Variants in SERPINI1 observed in about 807,000 individuals in gnomAD.
The protein encoded by SERPINI1 is neuroserpin.
SERPINI1 carries 19 observed loss-of-function variants against 41.1 expected under a neutral mutation model. The observed-to-expected ratio is 0.46, with a 90% CI of 0.32 to 0.68. SERPINI1 has a LOEUF of 0.68. Among genes scored for constraint, SERPINI1 ranks in the 30% least tolerant of loss-of-function variants. The pLI, the probability that SERPINI1 is intolerant of heterozygous loss-of-function variation, is 0.03. For missense variants in SERPINI1, 460 were observed against 479.2 expected, an observed-to-expected ratio of 0.96 and a Z score of 0.37; for synonymous variants, 138 against 156.6, an observed-to-expected ratio of 0.88 and a Z score of 0.89.
In SERPINI1 at chr3:167,771,769, G is replaced by A. The variant is rs558605051; in HGVS notation, c.-18-17342G>A. On this transcript the variant is annotated intron_variant, in intron 1 of 8. Coordinates refer to ENST00000446050, the MANE Select transcript of SERPINI1 (RefSeq NM_001122752.2). ...GTTAAATGTCATCCACACTTAAGGA[G>A]TACCTTGCCAGCAAGTAAGACAGTT... is the stretch of plus-strand genomic sequence containing the variant. Among the ~76,000 whole-genome samples, 3 of 152,352 alleles carry A rather than the reference G, an allele frequency of 2.0e-5. No individual in the cohort carries two copies. In the South Asian group the frequency reaches 6.2e-4, roughly 32 times the overall value.
intron 6 of SERPINI1, among the ~76,000 whole-genome samples, chr3:167,812,039 G>A (rs906815625): frequency 1.3e-5 from 2 of 152,072 alleles, no homozygotes; most frequent in Non-Finnish European, 2.9e-5. Context: ...CTAGAAAAAC[G>A]GAGTGACTTG....
In SERPINI1 at chr3:167,825,229, A is replaced by T. The variant is rs748793909; in HGVS notation, c.1157-18A>T. 1.1e-5 allele frequency: 17 copies of T among 1,559,192 alleles called. No individual in the cohort carries two copies. In the South Asian group the frequency reaches 1.7e-4, roughly 15 times the overall value. On this transcript the variant is annotated intron_variant, in intron 8 of 8. Transcript: ENST00000446050. Reference sequence around the variant, plus strand: ...ATTTTGTTCACCCCCTCTTTTGTTTACTTCTGAACCAATACAGGTACAATT... The same window carrying T: ...ATTTTGTTCACCCCCTCTTTTGTTTTCTTCTGAACCAATACAGGTACAATT...
At chr3:167,751,195 G>T (rs571005600) in intron 1 of SERPINI1, among the ~76,000 whole-genome samples, 24 of 152,160 alleles carry the variant, frequency 1.6e-4, no homozygotes, top group African/African-American at 5.8e-4. Flanking sequence ...TTTAGGTAAG[G>T]AATATCCTCT....
intron 1 of SERPINI1, among the ~76,000 whole-genome samples, chr3:167,739,344 A>G (rs1474285222): frequency 1.3e-5 from 2 of 152,194 alleles, no homozygotes; most frequent in African/African-American, 2.4e-5. Context: ...ACATTGAGAC[A>G]GTTTGCGCTT....
chr3:167,817,633 T>C (rs1712147568), intron 6 of SERPINI1, among the ~76,000 whole-genome samples: 1 of 152,240 alleles, frequency 6.6e-6, no homozygotes, highest in African/African-American at 2.4e-5. Flanking sequence ...AGTCATGCAC[T>C]GTCGCCCAGG....
chr3:167,772,864 C>CTCTCTATATATATATATATATA (rs1374013676), intron 1 of SERPINI1, among the ~76,000 whole-genome samples: 2 of 24,662 alleles, frequency 8.1e-5, no homozygotes, highest in African/African-American at 1.9e-4. Flanking sequence ...CTCTCTCTCT[C>CTCTCTATATATATATATATATA]TATATATATA....
chr3:167,783,036 T>A (rs979750501), intron 1 of SERPINI1, among the ~76,000 whole-genome samples: 3 of 152,194 alleles, frequency 2.0e-5, no homozygotes, highest in Non-Finnish European at 2.9e-5. Flanking sequence ...AGAGAACTCC[T>A]GAGGTTTTGT....
chr3:167,796,599 C>A (rs1243393451), intron 5 of SERPINI1, among the ~76,000 whole-genome samples: 2 of 152,138 alleles, frequency 1.3e-5, no homozygotes, highest in Non-Finnish European at 1.5e-5. Context: ...TAAGTGAGAA[C>A]ATGCACTGTT....
At chr3:167,813,782 G>A (rs1711973773) in intron 6 of SERPINI1, among the ~76,000 whole-genome samples, 1 of 152,090 alleles carries the variant, frequency 6.6e-6, no homozygotes, top group Non-Finnish European at 1.5e-5. Context: ...AAGAGAATTT[G>A]TGGTGGGGGA....
chr3:167,775,206 G>A (rs1000317288), intron 1 of SERPINI1, among the ~76,000 whole-genome samples: 1 of 148,976 alleles, frequency 6.7e-6, no homozygotes. Flanking sequence ...CAGCCCTTCA[G>A]GGTACAACGA....
intron 6 of SERPINI1, among the ~76,000 whole-genome samples, chr3:167,816,734 G>T (rs1292419557): frequency 6.6e-6 from 1 of 152,132 alleles, no homozygotes; most frequent in Non-Finnish European, 1.5e-5. Flanking sequence ...AGAGTGATCA[G>T]ATCTACTTTA....
intron 1 of SERPINI1, among the ~76,000 whole-genome samples, chr3:167,772,893 T>TATATATAC (rs1391850018): frequency 2.1e-3 from 110 of 52,188 alleles, no homozygotes; most frequent in Admixed American, 2.9e-3. Flanking sequence ...TATATATATA[T>TATATATAC]ACACACACAC....
intron 6 of SERPINI1, among the ~76,000 whole-genome samples, chr3:167,819,307 C>T (rs1053785163): frequency 6.6e-6 from 1 of 152,102 alleles, no homozygotes; most frequent in Non-Finnish European, 1.5e-5. Context: ...AGCCACTGCG[C>T]CCAGCTACTG....
intron 1 of SERPINI1, among the ~76,000 whole-genome samples, chr3:167,779,136 C>A (rs1727042832): frequency 6.6e-6 from 1 of 152,128 alleles, no homozygotes; most frequent in Non-Finnish European, 1.5e-5. Flanking sequence ...ATTCCAGTAC[C>A]TTCCTAGTCT....
chr3:167,741,932 T>C (rs1183229860), intron 1 of SERPINI1, among the ~76,000 whole-genome samples: 2 of 152,076 alleles, frequency 1.3e-5, no homozygotes, highest in African/African-American at 2.4e-5. Flanking sequence ...AAAAAAATTA[T>C]ATTATGAGAT....
chr3:167,759,400 G>GTATATATATATATATATATATATA (rs71753556), intron 1 of SERPINI1, among the ~76,000 whole-genome samples: 3,358 of 119,664 alleles, frequency 0.028, 163 homozygotes, highest in Non-Finnish European at 0.033. Context: ...AGAAAATGTG[G>GTATATATATATATATATATATATA]TATATATATA....
Position 167,820,851 on chromosome 3 carries a change from T to C in SERPINI1, c.980-2135T>C, listed in dbSNP as rs564690125. On this transcript the variant is annotated intron_variant, in intron 6 of 8. Coordinates refer to ENST00000446050, the MANE Select transcript of SERPINI1 (RefSeq NM_001122752.2). ...AGGCTGCCAGTTCTGTGGACCAGAA[T>C]GAGAACTTACGGTGCTTTTTCCGCG... is the stretch of plus-strand genomic sequence containing the variant. Among the ~76,000 whole-genome samples, 4 of 152,258 alleles carry C rather than the reference T, an allele frequency of 2.6e-5. No homozygotes were observed. The South Asian group carries it at 6.2e-4, about 24-fold the overall frequency.
intron 1 of SERPINI1, among the ~76,000 whole-genome samples, chr3:167,781,633 C>CTTTTTTTTT (rs1560005922): frequency 7.7e-6 from 1 of 129,672 alleles, no homozygotes; most frequent in African/African-American, 2.8e-5. Flanking sequence ...TTTCTTTTGG[C>CTTTTTTTTT]CTTTTTTTTT....
intron 1 of SERPINI1, among the ~76,000 whole-genome samples, chr3:167,766,082 T>C (rs1296025244): frequency 6.6e-6 from 1 of 152,126 alleles, no homozygotes; most frequent in African/African-American, 2.4e-5. Context: ...TTTTCCAACC[T>C]CTGCCTGTTA....
Sources: gnomAD v4.1 joint callset for allele counts (sites outside exome capture counted in the v4.1 genomes callset) on GRCh38, gnomAD v4.1.1 for gene constraint, MANE v1.5 for transcripts, NCBI Gene and HGNC (gene_info 2026-07-23, HGNC 2026-07-21) for gene names.